N4BP1: variants seen among roughly 807,000 people sequenced by gnomAD.
The protein encoded by N4BP1 is NEDD4-binding protein 1.
Under a neutral mutation model 70.9 loss-of-function variants are expected in N4BP1, and 21 were observed. The observed-to-expected ratio is 0.30, with a 90% CI of 0.21 to 0.43. The LOEUF (loss-of-function observed/expected upper bound fraction) is 0.43. N4BP1 is among the 20% of genes least tolerant of loss of function. The pLI, the probability that N4BP1 is intolerant of heterozygous loss-of-function variation, is 1.00. For missense variants in N4BP1, 936 were observed against 1,069.4 expected, an observed-to-expected ratio of 0.88 and a Z score of 1.74; for synonymous variants, 387 against 394.6, an observed-to-expected ratio of 0.98 and a Z score of 0.23.
At chr16:48,582,183 A>G (rs1964183342) in intron 1 of N4BP1, among the ~76,000 whole-genome samples, 1 of 152,232 alleles carries the variant, frequency 6.6e-6, no homozygotes, top group African/African-American at 2.4e-5. Context: ...GCCAACAGGT[A>G]CAGTAGTGAG....
intron 1 of N4BP1, 64 bp downstream of exon 1, chr16:48,609,711 G>C: frequency 8.2e-7 from 1 of 1,219,864 alleles, no homozygotes; most frequent in Non-Finnish European, 1.0e-6. Context: ...GCGGGGAGGA[G>C]CGGGAGCCCG....
chr16:48,595,408 G>A lies in N4BP1; in HGVS notation c.198+14367C>T, dbSNP rs191742204. 2.6e-5 allele frequency among the ~76,000 whole-genome samples: 3 copies of A among 115,746 alleles called. No individual in the cohort carries two copies. The East Asian group carries it at 8.3e-4, about 32-fold the overall frequency. 75.9% of individuals were successfully genotyped at this position (115,746 alleles called of 152,430 possible). A position where few individuals can be genotyped will look rare whatever the true frequency, so the allele number is the denominator to read the frequency against. On this transcript the variant is annotated intron_variant, in intron 1 of 6. Coordinates refer to ENST00000262384, the MANE Select transcript of N4BP1 (RefSeq NM_153029.4). Reference sequence around the variant, plus strand: ...GGGGGCAGAGGTTGTAGTGAGCCGAGATCACACCACTGCACTCAAGCCTGG... The same window carrying A: ...GGGGGCAGAGGTTGTAGTGAGCCGAAATCACACCACTGCACTCAAGCCTGG...
intron 1 of N4BP1, among the ~76,000 whole-genome samples, chr16:48,597,374 A>G (rs145740106): frequency 8.5e-5 from 13 of 152,332 alleles, no homozygotes; most frequent in Non-Finnish European, 1.5e-4. Context: ...GGGCAGAAAG[A>G]TAGTTATAAT....
At chr16:48,582,731 C>T (rs1178160910) in intron 1 of N4BP1, among the ~76,000 whole-genome samples, 1 of 151,928 alleles carries the variant, frequency 6.6e-6, no homozygotes, top group Non-Finnish European at 1.5e-5. Context: ...CGGTACCATC[C>T]AAGGTTTTAG....
At chr16:48,588,110 C>T (rs908031027) in intron 1 of N4BP1, among the ~76,000 whole-genome samples, 4 of 152,036 alleles carry the variant, frequency 2.6e-5, no homozygotes, top group Admixed American at 6.6e-5. Context: ...TAATTCTCTA[C>T]CCTCACTAGC....
rs1425704996 is a variant in N4BP1, at chr16:48,560,741, A to C, written c.1889+13T>G. 2.5e-6 allele frequency: 4 copies of C among 1,579,554 alleles called. No homozygotes were observed. The Admixed American group carries it at 5.7e-5, about 22-fold the overall frequency. ...CTATTTAAAATAAAATAATCTGCAG[A>C]GAATGGACTTACGTAATTGCAACAT... On this transcript the variant is annotated intron_variant, in intron 2 of 6. Transcript: ENST00000262384.
intron 1 of N4BP1, chr16:48,600,458 C>A: frequency 3.2e-6 from 2 of 616,084 alleles, no homozygotes; most frequent in Admixed American, 2.1e-5. Flanking sequence ...TTGAAGAGAT[C>A]AAACAGAAAC....
chr16:48,594,958 G>A (rs898557038), intron 1 of N4BP1, among the ~76,000 whole-genome samples: 2 of 151,976 alleles, frequency 1.3e-5, no homozygotes, highest in Non-Finnish European at 2.9e-5. Context: ...TTTATAATTA[G>A]CTATAAAACT....
Position 48,561,438 on chromosome 16 carries a change from A to C in N4BP1, c.1205T>G (p.Val402Gly), listed in dbSNP as rs748447995. 1 of 1,613,474 alleles carries C rather than the reference A, an allele frequency of 6.2e-7. No homozygotes were observed. The highest frequency in any genetic ancestry group is 2.2e-5 in the East Asian group (1 of 44,874). The part of the protein sequence containing the change: ...QEDREFSAGT[V>G]YPETNKTKNK... Reference sequence around the variant, plus strand: ...TTTGGTTTTGTTGGTCTCTGGATACACTGTACCAGCTGAAAATTCTCTGTC... The same window carrying C: ...TTTGGTTTTGTTGGTCTCTGGATACCCTGTACCAGCTGAAAATTCTCTGTC... The change falls in exon 2 of 7, where the codon GTG becomes GGG. Residue 402 changes from valine to glycine, a missense_variant. Transcript: ENST00000262384.
intron 1 of N4BP1, among the ~76,000 whole-genome samples, chr16:48,567,290 A>G (rs1310016418): frequency 6.6e-6 from 1 of 152,128 alleles, no homozygotes; most frequent in Non-Finnish European, 1.5e-5. Context: ...GCATTATACA[A>G]ACACTTAGTA....
At chr16:48,570,193 G>A (rs1465928507) in intron 1 of N4BP1, among the ~76,000 whole-genome samples, 1 of 152,172 alleles carries the variant, frequency 6.6e-6, no homozygotes, top group Non-Finnish European at 1.5e-5. Flanking sequence ...CTCGGTTTTA[G>A]ATGTTTCCTT....
At chr16:48,585,790 G>T (rs925704448) in intron 1 of N4BP1, among the ~76,000 whole-genome samples, 2 of 152,038 alleles carry the variant, frequency 1.3e-5, no homozygotes, top group African/African-American at 4.8e-5. Flanking sequence ...CCAACTCCTG[G>T]GTTCAAGCAA....
intron 1 of N4BP1, among the ~76,000 whole-genome samples, chr16:48,581,901 A>AT (rs904157377): frequency 2.0e-5 from 3 of 152,162 alleles, no homozygotes; most frequent in African/African-American, 4.8e-5. Context: ...CTGGACAATG[A>AT]TTTTTTTAAA....
rs1376623198 is a variant in N4BP1 at position 48,541,722 on chromosome 16, G to C, written c.*1182C>G. The C allele has an allele frequency of 6.5e-6, 1 of 152,700 alleles. No homozygotes were observed. Among genetic ancestry groups the C allele is most frequent in the African/African-American group, 2.4e-5 (1 of 41,540 alleles). 9.5% of individuals were successfully genotyped at this position (152,700 alleles called of 1,614,324 possible). A position where few individuals can be genotyped will look rare whatever the true frequency, so the allele number is the denominator to read the frequency against. ...AGAGTAAAGATGTTAAGATTGCCCAGGAAAAGAACTTCACTGACACTGAAT... is the reference window on the plus strand; with the variant it reads ...AGAGTAAAGATGTTAAGATTGCCCACGAAAAGAACTTCACTGACACTGAAT... On this transcript the variant is annotated 3_prime_UTR_variant, in exon 7 of 7. Transcript: ENST00000262384.
In N4BP1 at chr16:48,551,458, T is replaced by C; in HGVS notation, c.2045A>G (p.Gln682Arg). The C allele has an allele frequency of 3.1e-6, 5 of 1,613,154 alleles. No individual in the cohort carries two copies. The highest frequency in any genetic ancestry group is 2.5e-6 in the Non-Finnish European group (3 of 1,179,224). ...VTEQHFLTQL[Q>R]ELGILSLTPA... ...AGTTAAAGATAATATTCCGAGCTCC[T>C]GGAGCTGGGTTAAGAAGTGCTGTTC... Residue 682 changes from glutamine (Q) to arginine (R), a missense_variant, in exon 4 of 7, where the codon CAG becomes CGG. Around this residue, in one of 4 missense-constraint regions of N4BP1, gnomAD observed 229 missense variants for 343.5 expected, o/e 0.67. Coordinates refer to ENST00000262384, the MANE Select transcript of N4BP1 (RefSeq NM_153029.4).
At chr16:48,584,779 A>C (rs1964220135) in intron 1 of N4BP1, among the ~76,000 whole-genome samples, 1 of 152,098 alleles carries the variant, frequency 6.6e-6, no homozygotes, top group Non-Finnish European at 1.5e-5. Flanking sequence ...AAACTCCAAA[A>C]CTCAAAGAAA....
At position 48,610,116 on chromosome 16, in the gene N4BP1, AG is replaced by A. The variant is rs1964662663; in HGVS notation, c.-145del. 4.0e-6 allele frequency: 1 copy of A among 249,786 alleles called. No homozygotes were observed. Among genetic ancestry groups the A allele is most frequent in the African/African-American group, 2.3e-5 (1 of 42,926 alleles). The allele number at this position is 249,786 out of a possible 1,614,324, so 15.5% of individuals were successfully genotyped here. A position where few individuals can be genotyped will look rare whatever the true frequency, so the allele number is the denominator to read the frequency against. ...CGCCCGCGCCCCGCCGCCCGCCCTC[AG>A]GCCCGGCTATACCATCCCGCCACGA... On this transcript the variant is annotated 5_prime_UTR_variant, in exon 1 of 7. Coordinates refer to ENST00000262384, the MANE Select transcript of N4BP1 (RefSeq NM_153029.4).
intron 1 of N4BP1, among the ~76,000 whole-genome samples, chr16:48,596,162 AC>A (rs1427399638): frequency 3.3e-5 from 5 of 152,106 alleles, no homozygotes. Context: ...TGTTTCAAAA[AC>A]TATAGTATGC....
chr16:48,546,102 T>C (rs1490824470), intron 6 of N4BP1, 45 bp downstream of exon 6: 4 of 1,288,966 alleles, frequency 3.1e-6, no homozygotes, highest in Admixed American at 2.0e-5. Context: ...GCACAAAGAA[T>C]TGAAATAGAA....
Sources: gnomAD v4.1 joint callset for allele counts (sites outside exome capture counted in the v4.1 genomes callset) on GRCh38, gnomAD v4.1.1 for gene constraint, gnomAD v4.1.1 regional missense constraint, MANE v1.5 for transcripts, NCBI Gene and HGNC (gene_info 2026-07-23, HGNC 2026-07-21) for gene names.